Variants in CDC14A observed in about 807,000 individuals in gnomAD.
CDC14A encodes dual specificity protein phosphatase CDC14A.
In CDC14A, 53 loss-of-function variants were observed where a neutral mutation model predicts 74.4. The observed-to-expected ratio is 0.71, with a 90% CI of 0.57 to 0.89. The LOEUF is 0.89. CDC14A is among the 40% of genes least tolerant of loss of function. CDC14A has a pLI of 0.00. For missense variants in CDC14A, 646 were observed against 713.7 expected, an observed-to-expected ratio of 0.91 and a Z score of 1.08; for synonymous variants, 247 against 258.4, an observed-to-expected ratio of 0.96 and a Z score of 0.43.
chr1:100,413,687 A>G (rs941295453), intron 4 of CDC14A, among the ~76,000 whole-genome samples: 5 of 152,160 alleles, frequency 3.3e-5, no homozygotes, highest in Admixed American at 2.6e-4. Flanking sequence ...CAGAAAGTTT[A>G]TGATCTTTCT....
intron 3 of CDC14A, among the ~76,000 whole-genome samples, chr1:100,386,342 T>A (rs746611453): frequency 2.0e-5 from 3 of 152,200 alleles, no homozygotes; most frequent in Non-Finnish European, 2.9e-5. Context: ...CTATTTTATA[T>A]TTACACTGTA....
At chr1:100,374,035 A>G (rs1255005332) in intron 2 of CDC14A, among the ~76,000 whole-genome samples, 1 of 151,840 alleles carries the variant, frequency 6.6e-6, no homozygotes, top group Non-Finnish European at 1.5e-5. Flanking sequence ...ATTTCCACCT[A>G]TGAGTGAGAA....
At chr1:100,462,426 A>G (rs1382711131) in intron 8 of CDC14A, 2 of 520,274 alleles carry the variant, frequency 3.8e-6, no homozygotes, top group South Asian at 2.2e-5. Context: ...AACTTTAATG[A>G]TGTATTTTCA....
intron 4 of CDC14A, among the ~76,000 whole-genome samples, chr1:100,408,081 A>G (rs1016943640): frequency 6.6e-6 from 1 of 152,006 alleles, no homozygotes; most frequent in Non-Finnish European, 1.5e-5. Context: ...CTCCATCCCC[A>G]AGTTGGCCCA....
intron 3 of CDC14A, among the ~76,000 whole-genome samples, chr1:100,382,211 CTTT>C (rs557184435): frequency 9.5e-6 from 1 of 105,134 alleles, no homozygotes; most frequent in South Asian, 3.0e-4. Context: ...TTCCTCTATT[CTTT>C]TTTTTTTTTT....
intron 4 of CDC14A, chr1:100,393,503 A>T (rs957029621): frequency 3.9e-6 from 3 of 765,894 alleles, no homozygotes; most frequent in Non-Finnish European, 7.3e-6. Context: ...TCTCAAATTC[A>T]TTTCTCATCA....
At chr1:100,459,055 T>A (rs1667013123) in intron 8 of CDC14A, among the ~76,000 whole-genome samples, 1 of 146,964 alleles carries the variant, frequency 6.8e-6, no homozygotes, top group Non-Finnish European at 1.5e-5. Flanking sequence ...AAATGTCTCT[T>A]AAGTGTCACT....
chr1:100,392,254 A>G (rs1428641006), intron 4 of CDC14A, among the ~76,000 whole-genome samples: 2 of 152,228 alleles, frequency 1.3e-5, no homozygotes, highest in African/African-American at 2.4e-5. Context: ...TACATTGATA[A>G]TGACTACTCA....
Position 100,462,648 on chromosome 1 carries a change from TAG to T in CDC14A, c.608-2_608-1del. 6.2e-7 allele frequency: 1 copy of T among 1,612,112 alleles called. No individual in the cohort carries two copies. The highest frequency in any genetic ancestry group is 8.5e-7 in the Non-Finnish European group (1 of 1,178,238). The stretch of plus-strand genomic sequence containing the variant: ...TTTGCTTACTGCTCCTTTGTTCCTT[TAG>T]GTTATCCTCTTCACGCCCCTGAAGC... On this transcript the variant is annotated splice_acceptor_variant, in intron 8 of 15. Coordinates refer to ENST00000336454, the MANE Select transcript of CDC14A (RefSeq NM_003672.4). LOFTEE classifies it high-confidence loss of function.
intron 2 of CDC14A, among the ~76,000 whole-genome samples, chr1:100,374,667 T>G (rs983438241): frequency 6.6e-6 from 1 of 152,214 alleles, no homozygotes; most frequent in Non-Finnish European, 1.5e-5. Context: ...ATATACAAAT[T>G]CAGCATTCTT....
intron 2 of CDC14A, among the ~76,000 whole-genome samples, chr1:100,359,967 G>A (rs1255992069): frequency 8.1e-6 from 1 of 122,828 alleles, no homozygotes. Flanking sequence ...TTTTTGAGTT[G>A]GAGTTTCCTT....
intron 5 of CDC14A, among the ~76,000 whole-genome samples, chr1:100,436,309 G>A (rs1664335500): frequency 6.6e-6 from 1 of 152,138 alleles, no homozygotes; most frequent in Non-Finnish European, 1.5e-5. Context: ...CCTCTTAAAT[G>A]GACTTTCAAT....
intron 3 of CDC14A, among the ~76,000 whole-genome samples, chr1:100,381,377 G>C (rs1217369438): frequency 2.0e-5 from 3 of 152,146 alleles, no homozygotes; most frequent in Non-Finnish European, 2.9e-5. Context: ...TTACTTCTCT[G>C]AGTAATTTCG....
rs1649446813 is a variant in CDC14A, at chr1:100,508,653, G to C, written c.1755+9391G>C. Among the ~76,000 whole-genome samples the C allele has an allele frequency of 6.6e-6, 1 of 152,174 alleles. No homozygotes were observed. Among genetic ancestry groups the C allele is most frequent in the African/African-American group, 2.4e-5 (1 of 41,434 alleles). The stretch of plus-strand genomic sequence containing the variant: ...GGCTTTCTTCTCAGGCAGGGATGTG[G>C]CTCCATCTCAGCCCTGGCCCGAGGG... On this transcript the variant is annotated intron_variant, in intron 15 of 15. Coordinates refer to ENST00000336454, the MANE Select transcript of CDC14A (RefSeq NM_003672.4). The surrounding 1 kb of genome is among the most constrained non-coding windows in gnomAD (Gnocchi z 4.4).
intron 11 of CDC14A, among the ~76,000 whole-genome samples, chr1:100,491,580 T>A (rs1484421829): frequency 2.0e-4 from 22 of 111,456 alleles, no homozygotes; most frequent in African/African-American, 6.4e-4. Flanking sequence ...ATATTTTTTT[T>A]TTTTTTTTTT....
At position 100,519,694 on chromosome 1, in the gene CDC14A, A is replaced by C. The variant is rs1474103545; in HGVS notation, c.*1414A>C. ...TGTTTGACTCAGGTTTGTTAAATTA[A>C]CCTTCAGTAACTGCAGTACCAAAAA... On this transcript the variant is annotated 3_prime_UTR_variant, in exon 16 of 16. Coordinates refer to ENST00000336454, the MANE Select transcript of CDC14A (RefSeq NM_003672.4). 1 of 152,540 alleles carries C rather than the reference A, an allele frequency of 6.6e-6. No homozygotes were observed. The highest frequency in any genetic ancestry group is 6.6e-5 in the Admixed American group (1 of 15,256). The allele number at this position is 152,540 out of a possible 1,614,324, so 9.4% of individuals were successfully genotyped here.
chr1:100,440,035 GT>G, intron 6 of CDC14A, 37 bp downstream of exon 6: 2 of 1,465,566 alleles, frequency 1.4e-6, no homozygotes, highest in Non-Finnish European at 9.5e-7. Flanking sequence ...TGACACAGTA[GT>G]TTAAAAAAAT....
At chr1:100,410,560 G>A (rs1660555624) in intron 4 of CDC14A, among the ~76,000 whole-genome samples, 1 of 151,992 alleles carries the variant, frequency 6.6e-6, no homozygotes, top group African/African-American at 2.4e-5. Flanking sequence ...CCTCGTGATT[G>A]CCTGCCTCGG....
chr1:100,485,493 G>A (rs1265022160), intron 11 of CDC14A: 1 of 180,090 alleles, frequency 5.6e-6, no homozygotes, highest in Non-Finnish European at 1.1e-5. Context: ...GAGCCCAGTG[G>A]TCGAAGCTGT....
Sources: allele counts gnomAD v4.1 joint callset (sites outside exome capture counted in the v4.1 genomes callset), GRCh38; gene constraint gnomAD v4.1.1; non-coding constraint Gnocchi (gnomAD v3.1); transcripts MANE v1.5; gene names NCBI Gene and HGNC (gene_info 2026-07-23, HGNC 2026-07-21).